TAF3: variants seen among roughly 807,000 people sequenced by gnomAD.
TAF3 encodes transcription initiation factor TFIID subunit 3.
In TAF3, 7 loss-of-function variants were observed where a neutral mutation model predicts 80.6. That is an observed-to-expected ratio of 0.09 (90% CI 0.05 to 0.16). TAF3 has a LOEUF of 0.16. Among genes scored for constraint, TAF3 ranks in the 10% least tolerant of loss-of-function variants. TAF3 has a pLI of 1.00. For missense variants in TAF3, 921 were observed against 1,140.2 expected, an observed-to-expected ratio of 0.81 and a Z score of 2.77; for synonymous variants, 444 against 446.1, an observed-to-expected ratio of 1.00 and a Z score of 0.06.
At chr10:7,938,811 C>G (rs1837949668) in intron 2 of TAF3, among the ~76,000 whole-genome samples, 1 of 152,184 alleles carries the variant, frequency 6.6e-6, no homozygotes, top group East Asian at 1.9e-4. Flanking sequence ...GCAAGTTGAT[C>G]AATAACTGAA....
intron 3 of TAF3, among the ~76,000 whole-genome samples, chr10:7,976,652 C>T (rs1002712671): frequency 5.9e-5 from 9 of 152,112 alleles, no homozygotes; most frequent in African/African-American, 2.2e-4. Context: ...ACGCCTGCCT[C>T]AGGCCTCCCA....
At chr10:7,910,530 G>A (rs923816757) in intron 2 of TAF3, among the ~76,000 whole-genome samples, 6 of 151,958 alleles carry the variant, frequency 3.9e-5, no homozygotes, top group South Asian at 4.2e-4. Flanking sequence ...ACAGGTGCCC[G>A]CCATCACGCC....
chr10:7,917,559 A>G (rs1446287480), intron 2 of TAF3, among the ~76,000 whole-genome samples: 1 of 152,194 alleles, frequency 6.6e-6, no homozygotes, highest in Non-Finnish European at 1.5e-5. Context: ...TTTCTAATCT[A>G]AAAGGAGTTT....
intron 5 of TAF3, among the ~76,000 whole-genome samples, chr10:8,011,964 G>A (rs1257579448): frequency 1.3e-5 from 2 of 152,142 alleles, no homozygotes; most frequent in African/African-American, 4.8e-5. Context: ...TATCACATGA[G>A]CCCAGGAGTT....
At chr10:7,947,932 C>A (rs1564369205) in intron 2 of TAF3, among the ~76,000 whole-genome samples, 1 of 152,190 alleles carries the variant, frequency 6.6e-6, no homozygotes, top group Non-Finnish European at 1.5e-5. Context: ...ACTGAAATCA[C>A]CCATGTACAG....
At chr10:7,893,798 T>C (rs10508338) in intron 2 of TAF3, among the ~76,000 whole-genome samples, 89,649 of 151,954 alleles carry the variant, frequency 0.59, 27,517 homozygotes, top group Admixed American at 0.72. Context: ...ATCAGCTATT[T>C]TCTTATCTTT....
At chr10:7,943,997 G>A (rs1837999922) in intron 2 of TAF3, among the ~76,000 whole-genome samples, 1 of 151,904 alleles carries the variant, frequency 6.6e-6, no homozygotes, top group East Asian at 1.9e-4. Context: ...TGTTCTTTCT[G>A]CAATTGATAT....
chr10:7,846,021 C>G (rs1376742786), intron 2 of TAF3, among the ~76,000 whole-genome samples: 2 of 148,204 alleles, frequency 1.3e-5, no homozygotes, highest in African/African-American at 2.5e-5. Context: ...TGCAGTGGCG[C>G]AATCTCGGCT....
At chr10:7,916,781 C>T (rs1249538084) in intron 2 of TAF3, among the ~76,000 whole-genome samples, 1 of 152,080 alleles carries the variant, frequency 6.6e-6, no homozygotes, top group Non-Finnish European at 1.5e-5. Context: ...CTTAACTCAA[C>T]CCAGGAGTGT....
intron 2 of TAF3, among the ~76,000 whole-genome samples, chr10:7,880,454 C>G (rs1377962063): frequency 6.6e-6 from 1 of 152,084 alleles, no homozygotes; most frequent in East Asian, 1.9e-4. Flanking sequence ...ATGCAGCTAT[C>G]CTGACTAGCA....
At chr10:7,896,242 T>C (rs1018672226) in intron 2 of TAF3, among the ~76,000 whole-genome samples, 2 of 152,194 alleles carry the variant, frequency 1.3e-5, no homozygotes, top group African/African-American at 4.8e-5. Context: ...CTCTATATTC[T>C]TTTTCTCAGA....
chr10:7,962,337 C>G (rs1831515564), intron 2 of TAF3, among the ~76,000 whole-genome samples: 1 of 152,146 alleles, frequency 6.6e-6, no homozygotes, highest in Non-Finnish European at 1.5e-5. Flanking sequence ...TATTGCTCTC[C>G]TTCAGTACCC....
chr10:7,981,099 A>G (rs945379037), intron 4 of TAF3, among the ~76,000 whole-genome samples: 1 of 152,216 alleles, frequency 6.6e-6, no homozygotes, highest in African/African-American at 2.4e-5. Context: ...GCTTTGTGAG[A>G]AAAAGGTGAA....
At position 7,918,703 on chromosome 10, in the gene TAF3, G is replaced by T. The variant is rs115924056; in HGVS notation, c.410-45217G>T. On this transcript the variant is annotated intron_variant, in intron 2 of 6. Coordinates refer to ENST00000344293, the MANE Select transcript of TAF3 (RefSeq NM_031923.4). ...CAGCCTGAAGCTTAGCTAGGTTTTG[G>T]ATGTATTATATTCCGTAGACCGTAT... is the stretch of plus-strand genomic sequence containing the variant. Among the ~76,000 whole-genome samples, 645 of 152,274 alleles carry T rather than the reference G, an allele frequency of 4.2e-3. 4 individuals carry two copies. Among genetic ancestry groups the T allele is most frequent in the African/African-American group, 0.015 (618 of 41,540 alleles).
intron 2 of TAF3, among the ~76,000 whole-genome samples, chr10:7,939,617 CACA>C: frequency 7.3e-6 from 1 of 137,694 alleles, no homozygotes; most frequent in Non-Finnish European, 1.6e-5. Flanking sequence ...CACACACACA[CACA>C]CCTCTACCTA....
chr10:7,900,599 G>C (rs951172853), intron 2 of TAF3, among the ~76,000 whole-genome samples: 1 of 152,152 alleles, frequency 6.6e-6, no homozygotes, highest in Non-Finnish European at 1.5e-5. Context: ...GCATGAAATC[G>C]AATCTCAACT....
intron 2 of TAF3, among the ~76,000 whole-genome samples, chr10:7,962,427 G>C (rs772935647): frequency 2.0e-5 from 3 of 152,058 alleles, no homozygotes; most frequent in Non-Finnish European, 4.4e-5. Flanking sequence ...GTTTTTCTCT[G>C]TTGTCTAAAA....
At chr10:7,991,154 T>C (rs189281323) in intron 4 of TAF3, among the ~76,000 whole-genome samples, 4 of 152,286 alleles carry the variant, frequency 2.6e-5, no homozygotes, top group East Asian at 3.9e-4. Context: ...AACTTTCTTA[T>C]GTACATAGAT....
intron 2 of TAF3, among the ~76,000 whole-genome samples, chr10:7,849,743 G>A (rs969289196): frequency 1.1e-4 from 16 of 151,258 alleles, no homozygotes; most frequent in African/African-American, 1.9e-4. Flanking sequence ...GCAGTGGCAC[G>A]ATCTTGGCTC....
Sources: gnomAD v4.1 joint callset for allele counts (sites outside exome capture counted in the v4.1 genomes callset) on GRCh38, gnomAD v4.1.1 for gene constraint, MANE v1.5 for transcripts, NCBI Gene and HGNC (gene_info 2026-07-23, HGNC 2026-07-21) for gene names.